Variants in NSD3 observed in about 807,000 individuals in gnomAD.
NSD3 encodes histone-lysine N-methyltransferase NSD3.
NSD3 carries 24 observed loss-of-function variants against 160.8 expected under a neutral mutation model. That is an observed-to-expected ratio of 0.15 (90% CI 0.11 to 0.21). NSD3 has a LOEUF of 0.21. Ranked by LOEUF, NSD3 falls within the 10% of genes least tolerant of loss-of-function variation. NSD3 has a pLI of 1.00. For missense variants in NSD3, 1,157 were observed against 1,735.9 expected, an observed-to-expected ratio of 0.67 and a Z score of 5.93; for synonymous variants, 520 against 600.0, an observed-to-expected ratio of 0.87 and a Z score of 1.95.
intron 22 of NSD3, 53 bp downstream of exon 22, chr8:38,278,253 C>G: frequency 6.5e-7 from 1 of 1,530,680 alleles, no homozygotes; most frequent in Non-Finnish European, 8.9e-7. Flanking sequence ...GACTTCTTAA[C>G]AGCCCTACTC....
chr8:38,359,545 G>T (rs889960144), intron 1 of NSD3, among the ~76,000 whole-genome samples: 2 of 152,122 alleles, frequency 1.3e-5, no homozygotes, highest in African/African-American at 4.8e-5. Context: ...CAACCACCTG[G>T]TTCTAAGAAC....
Position 38,347,475 on chromosome 8 carries a change from T to C in NSD3, c.675+22A>G. On this transcript the variant is annotated intron_variant, in intron 2 of 23. Transcript: ENST00000317025. ...TAAATGTGAAATATAACAAAATTTT[T>C]CAAAACGACTTTTCAACTTACATTT... 3.9e-6 allele frequency: 6 copies of C among 1,541,976 alleles called. No homozygotes were observed. The Middle Eastern group carries it at 1.0e-3, about 270-fold the overall frequency.
At chr8:38,279,350 AC>A (rs1808682751) in intron 21 of NSD3, among the ~76,000 whole-genome samples, 189 bp downstream of exon 21, 1 of 152,226 alleles carries the variant, frequency 6.6e-6, no homozygotes, top group South Asian at 2.1e-4. Context: ...ATAGATTTTT[AC>A]CTCTCACTGG....
intron 1 of NSD3, chr8:38,364,003 G>T (rs1370787529): frequency 6.6e-6 from 1 of 152,086 alleles, no homozygotes; most frequent in African/African-American, 2.4e-5. Context: ...TAGGCGCGGT[G>T]GCTCATGCCT....
At position 38,290,573 on chromosome 8, in the gene NSD3, T is replaced by C. The variant is rs756536241; in HGVS notation, c.3020A>G (p.Asp1007Gly). 1 of 1,614,116 alleles carries C rather than the reference T, an allele frequency of 6.2e-7. No homozygotes were observed. Among genetic ancestry groups the C allele is most frequent in the Non-Finnish European group, 8.5e-7 (1 of 1,180,026 alleles). ...TCTGCCCTGGTGTACCCAGTAGTAG[T>C]CATGAGAACCAAAGAAGAATACAGG... ...DFPVFFFGSHDYYWVHQGRVF... is the reference protein window; with the variant it reads ...DFPVFFFGSHGYYWVHQGRVF... Residue 1007 changes from aspartate (D) to glycine (G), a missense_variant, in exon 17 of 24, where the codon GAC becomes GGC. By Grantham distance (94) the Asp-to-Gly change is moderately conservative. This residue lies in a region of NSD3 where 437 missense variants were observed against 576.6 expected (regional missense o/e 0.76). Coordinates refer to ENST00000317025, the MANE Select transcript of NSD3 (RefSeq NM_023034.2).
intron 1 of NSD3, among the ~76,000 whole-genome samples, chr8:38,376,716 C>T (rs1489275476): frequency 6.6e-6 from 1 of 152,132 alleles, no homozygotes; most frequent in African/African-American, 2.4e-5. Flanking sequence ...GGGTTACAGG[C>T]GTGAGCCACT....
intron 15 of NSD3, 51 bp from the exon 16 acceptor site, chr8:38,296,003 A>T: frequency 6.6e-7 from 1 of 1,515,864 alleles, no homozygotes; most frequent in Non-Finnish European, 8.8e-7. Context: ...AGAGAGAAAA[A>T]GAAAGAAAAA....
intron 1 of NSD3, among the ~76,000 whole-genome samples, chr8:38,352,955 T>A (rs915940082): frequency 3.9e-5 from 6 of 152,238 alleles, no homozygotes; most frequent in African/African-American, 1.4e-4. Flanking sequence ...AATATTCTAA[T>A]AACCACCATT....
rs1808930152 is a variant in NSD3 at position 38,288,903 on chromosome 8, A to C, written c.3232-147T>G. 2 of 1,018,314 alleles carry C rather than the reference A, an allele frequency of 2.0e-6. No individual in the cohort carries two copies. The highest frequency in any genetic ancestry group is 2.8e-6 in the Non-Finnish European group (2 of 716,844). The allele number at this position is 1,018,314 out of a possible 1,614,324, so 63.1% of individuals were successfully genotyped here. A position where few individuals can be genotyped will look rare whatever the true frequency, so the allele number is the denominator to read the frequency against. On this transcript the variant is annotated intron_variant, in intron 18 of 23. Transcript: ENST00000317025. This position sits in a 1 kb window ranked among gnomAD's most constrained non-coding sequence, Gnocchi z 4.5. ...CCTGATGAATAAGCTGAGATTAATA[A>C]CCATCTCTTTTGTCATTTAGTTGAC... is the stretch of plus-strand genomic sequence containing the variant.
intron 7 of NSD3, among the ~76,000 whole-genome samples, chr8:38,323,821 C>CAAAAA (rs397891214): frequency 1.4e-5 from 1 of 72,236 alleles, no homozygotes; most frequent in Non-Finnish European, 2.7e-5. Flanking sequence ...GACCCTGTCT[C>CAAAAA]AAAAAAAAAA....
intron 16 of NSD3, among the ~76,000 whole-genome samples, chr8:38,293,914 C>T (rs1427757182): frequency 1.1e-5 from 1 of 91,452 alleles, no homozygotes; most frequent in African/African-American, 4.6e-5. Flanking sequence ...CAGAGTGAGA[C>T]TCCGTCTCAA....
At chr8:38,307,751 T>C (rs1809444106) in intron 12 of NSD3, among the ~76,000 whole-genome samples, 2 of 152,184 alleles carry the variant, frequency 1.3e-5, no homozygotes, top group Admixed American at 6.5e-5. Flanking sequence ...CTGACAATGG[T>C]TGTCAGGACT....
Position 38,347,947 on chromosome 8 carries a change from T to C in NSD3, c.225A>G (p.Ser75=), listed in dbSNP as rs1381671202. Residue 75 remains serine, a synonymous_variant, in exon 2 of 24, where the codon TCA becomes TCG. Transcript: ENST00000317025. ...DLPPLTNGYP[S]SISVYETQTK... ...TTTGAGTTTCATACACACTGATTGA[T>C]GATGGATACCCATTTGTGAGTGGAG... 6.2e-7 allele frequency: 1 copy of C among 1,614,108 alleles called. No individual in the cohort carries two copies. Among genetic ancestry groups the C allele is most frequent in the East Asian group, 2.2e-5 (1 of 44,904 alleles).
chr8:38,290,412 A>G, intron 17 of NSD3, 63 bp downstream of exon 17: 1 of 1,516,352 alleles, frequency 6.6e-7, no homozygotes, highest in African/African-American at 1.4e-5. Flanking sequence ...GGAGGTGAGG[A>G]GATGTTGAGA....
intron 12 of NSD3, among the ~76,000 whole-genome samples, chr8:38,314,284 G>T (rs1809604765): frequency 6.6e-6 from 1 of 152,172 alleles, no homozygotes; most frequent in African/African-American, 2.4e-5. Context: ...TATAATCACT[G>T]TAGTTATGCA....
intron 23 of NSD3, 106 bp from the exon 24 acceptor site, chr8:38,275,988 T>G: frequency 1.0e-6 from 1 of 983,504 alleles, no homozygotes; most frequent in Non-Finnish European, 1.5e-6. Context: ...GGAGATGGAA[T>G]TCAATTGAAT....
At chr8:38,338,421 T>C in intron 3 of NSD3, 115 bp downstream of exon 3, 2 of 814,948 alleles carry the variant, frequency 2.5e-6, no homozygotes, top group Non-Finnish European at 4.1e-6. Context: ...CTTATTTCAA[T>C]ATAATTTCTG....
intron 14 of NSD3, among the ~76,000 whole-genome samples, chr8:38,304,051 A>C (rs915918082): frequency 3.9e-5 from 6 of 152,238 alleles, no homozygotes; most frequent in African/African-American, 1.4e-4. Context: ...AAGAAAGCCC[A>C]CATGGCTGGC....
At chr8:38,315,686 C>T (rs1809643410) in intron 10 of NSD3, 142 bp from the exon 11 acceptor site, 36 of 1,305,178 alleles carry the variant, frequency 2.8e-5, no homozygotes, top group Non-Finnish European at 3.5e-5. Flanking sequence ...TTCCAAAATC[C>T]ACAGATATCA....
Sources: allele counts gnomAD v4.1 joint callset (sites outside exome capture counted in the v4.1 genomes callset), GRCh38; gene constraint gnomAD v4.1.1; regional missense constraint gnomAD v4.1.1; non-coding constraint Gnocchi (gnomAD v3.1); transcripts MANE v1.5; gene names NCBI Gene and HGNC (gene_info 2026-07-23, HGNC 2026-07-21).